SEC23A: variants seen among roughly 807,000 people sequenced by gnomAD.
SEC23A encodes SEC23 homolog A, COPII component.
In SEC23A, 56 loss-of-function variants were observed where a neutral mutation model predicts 103.7. That is an observed-to-expected ratio of 0.54 (90% CI 0.44 to 0.67). The LOEUF is 0.67. Among genes scored for constraint, SEC23A ranks in the 30% least tolerant of loss-of-function variants. SEC23A has a pLI of 0.00. For synonymous variants in SEC23A, 281 were observed against 293.0 expected (o/e 0.96, Z 0.42); for missense variants, 784 against 936.4 (o/e 0.84, Z 2.12).
rs1361251172 is a variant in SEC23A, at chr14:39,095,884, T to C, written c.221+14A>G. 8 of 1,553,280 alleles carry C rather than the reference T, an allele frequency of 5.2e-6. No homozygotes were observed. Among genetic ancestry groups the C allele is most frequent in the Non-Finnish European group, 7.1e-6 (8 of 1,124,816 alleles). On this transcript the variant is annotated intron_variant, in intron 2 of 19. Transcript: ENST00000307712. ...TCACATTGCCACATTAGTTTTTCTATATATTTTACTTACCATAAAGGATTC... is the reference window on the plus strand; with the variant it reads ...TCACATTGCCACATTAGTTTTTCTACATATTTTACTTACCATAAAGGATTC...
intron 1 of SEC23A, among the ~76,000 whole-genome samples, chr14:39,102,385 G>A (rs1171284473): frequency 6.6e-6 from 1 of 152,204 alleles, no homozygotes; most frequent in Non-Finnish European, 1.5e-5. Context: ...GACGGTAGAG[G>A]TTGAGGGAGT....
intron 2 of SEC23A, among the ~76,000 whole-genome samples, chr14:39,094,462 C>A (rs1887819194): frequency 1.9e-5 from 2 of 105,138 alleles, no homozygotes; most frequent in South Asian, 3.1e-4. Context: ...TTTTTTTTTC[C>A]CCTCCTGTAG....
chr14:39,034,036 G>A (rs1277710767), intron 19 of SEC23A, among the ~76,000 whole-genome samples: 1 of 152,198 alleles, frequency 6.6e-6, no homozygotes, highest in African/African-American at 2.4e-5. Context: ...AATGTGAGAT[G>A]AGAACTTATA....
At chr14:39,081,383 C>T (rs1473867229) in intron 7 of SEC23A, among the ~76,000 whole-genome samples, 1 of 152,176 alleles carries the variant, frequency 6.6e-6, no homozygotes, top group African/African-American at 2.4e-5. Flanking sequence ...AAATTCTGTA[C>T]TCTTAAGTCT....
At chr14:39,074,569 T>G (rs781147254) in intron 8 of SEC23A, 39 bp from the exon 9 acceptor site, 14 of 1,292,696 alleles carry the variant, frequency 1.1e-5, no homozygotes, top group African/African-American at 7.4e-5. Flanking sequence ...TATACAAAAT[T>G]GTCCTATAAA....
chr14:39,036,320 C>CAAAAAA (rs59018206), intron 19 of SEC23A, among the ~76,000 whole-genome samples: 29 of 69,884 alleles, frequency 4.1e-4, no homozygotes, highest in African/African-American at 6.3e-4. Context: ...GACTCCGTCT[C>CAAAAAA]AAAAAAAAAA....
intron 7 of SEC23A, among the ~76,000 whole-genome samples, chr14:39,077,227 C>CAAAAAAAAAAAAAAA (rs57549556): frequency 2.7e-5 from 1 of 36,480 alleles, no homozygotes; most frequent in African/African-American, 1.3e-4. Context: ...GACTCCATCT[C>CAAAAAAAAAAAAAAA]AAAAAAAAAA....
chr14:39,090,488 A>G (rs764126307), intron 5 of SEC23A, among the ~76,000 whole-genome samples: 10 of 152,158 alleles, frequency 6.6e-5, no homozygotes, highest in Non-Finnish European at 1.5e-4. Flanking sequence ...GAAAGCTTCA[A>G]TTTGTCCCAG....
intron 18 of SEC23A, 122 bp from the exon 19 acceptor site, chr14:39,039,218 A>C: frequency 1.2e-6 from 1 of 804,848 alleles, no homozygotes; most frequent in South Asian, 1.6e-5. Flanking sequence ...AATTTTATTA[A>C]CTTAATTTTT....
intron 9 of SEC23A, among the ~76,000 whole-genome samples, chr14:39,070,092 T>A (rs1886796076): frequency 6.6e-6 from 1 of 152,240 alleles, no homozygotes; most frequent in Non-Finnish European, 1.5e-5. Flanking sequence ...CACATTTCAA[T>A]GGGACAGCAC....
chr14:39,094,909 G>T (rs1457249661), intron 2 of SEC23A: 2 of 667,520 alleles, frequency 3.0e-6, no homozygotes, highest in Non-Finnish European at 5.4e-6. Flanking sequence ...TATAGATCTT[G>T]ATAAGGAGTT....
rs753629234 is a variant in SEC23A, at chr14:39,085,825, T to A, written c.765A>T (p.Pro255=). Residue 255 remains proline (P), a synonymous_variant, in exon 7 of 20, where the codon CCA becomes CCT. Coordinates refer to ENST00000307712, the MANE Select transcript of SEC23A (RefSeq NM_006364.4). The stretch of plus-strand genomic sequence containing the variant: ...AGGAACGCAAAGGTCTCTTTCCCTG[T>A]GGTACAGGCCAAGGGTCTCGCTGGA... ...GELQRDPWPV[P]QGKRPLRSSG... is the part of the protein sequence containing the mutation. 4 of 1,613,834 alleles carry A rather than the reference T, an allele frequency of 2.5e-6. No homozygotes were observed. In the African/African-American group the frequency reaches 5.3e-5, roughly 22 times the overall value.
chr14:39,100,283 G>A (rs1888037792), intron 1 of SEC23A, among the ~76,000 whole-genome samples: 1 of 152,014 alleles, frequency 6.6e-6, no homozygotes, highest in South Asian at 2.1e-4. Flanking sequence ...ACACTTCCCT[G>A]ACTTCCCTCA....
chr14:39,058,483 AT>A (rs1886327181), intron 13 of SEC23A, among the ~76,000 whole-genome samples: 1 of 151,932 alleles, frequency 6.6e-6, no homozygotes, highest in Non-Finnish European at 1.5e-5. Context: ...AATTTTTTGT[AT>A]TTTTAGTAGA....
At chr14:39,036,886 A>C (rs1463999354) in intron 19 of SEC23A, among the ~76,000 whole-genome samples, 2 of 152,102 alleles carry the variant, frequency 1.3e-5, no homozygotes, top group Admixed American at 1.3e-4. Flanking sequence ...CTCAACCACC[A>C]TACTAAAGCC....
At chr14:39,082,155 T>A (rs1030038662) in intron 7 of SEC23A, among the ~76,000 whole-genome samples, 8 of 152,010 alleles carry the variant, frequency 5.3e-5, no homozygotes, top group Non-Finnish European at 1.2e-4. Flanking sequence ...AGCATCAAAG[T>A]AAATTATGAT....
At chr14:39,090,055 AC>A (rs1404951319) in intron 5 of SEC23A, among the ~76,000 whole-genome samples, 3 of 152,116 alleles carry the variant, frequency 2.0e-5, no homozygotes, top group Non-Finnish European at 4.4e-5. Context: ...CCCCATTTAA[AC>A]CTGCAAATTC....
chr14:39,032,791 GA>G lies in SEC23A; in HGVS notation c.*447del, dbSNP rs1476783666. ...GTATACATAAGTGCTGAAAATTACA[GA>G]AAAATATTCAATGAATAAGCAAAAA... On this transcript the variant is annotated 3_prime_UTR_variant, in exon 20 of 20. Coordinates refer to ENST00000307712, the MANE Select transcript of SEC23A (RefSeq NM_006364.4). 6.3e-6 allele frequency: 1 copy of G among 158,664 alleles called. No individual in the cohort carries two copies. Among genetic ancestry groups the G allele is most frequent in the African/African-American group, 2.4e-5 (1 of 41,438 alleles). The allele number at this position is 158,664 out of a possible 1,614,324, so 9.8% of individuals were successfully genotyped here.
At position 39,085,737 on chromosome 14, in the gene SEC23A, T is replaced by G. The variant is rs115098573; in HGVS notation, c.828+25A>C. The G allele has an allele frequency of 1.8e-3, 2,586 of 1,470,296 alleles. 33 individuals carry two copies. The African/African-American group carries it at 0.035, about 20-fold the overall frequency. The allele number at this position is 1,470,296 out of a possible 1,614,324, so 91.1% of individuals were successfully genotyped here. A position where few individuals can be genotyped will look rare whatever the true frequency, so the allele number is the denominator to read the frequency against. On this transcript the variant is annotated intron_variant, in intron 7 of 19. Transcript: ENST00000307712. ...ACACACACACACACACACTTTACAT[T>G]CCAAAACAAAACCATCTTCCCTACC...
Sources: allele counts gnomAD v4.1 joint callset (sites outside exome capture counted in the v4.1 genomes callset), GRCh38; gene constraint gnomAD v4.1.1; transcripts MANE v1.5; gene names NCBI Gene and HGNC (gene_info 2026-07-23, HGNC 2026-07-21).